The following RGS8 variants were observed in gnomAD, a reference collection of about 807,000 sequenced individuals.
RGS8 encodes the protein regulator of G-protein signaling 8.
In RGS8, 8 loss-of-function variants were observed where a neutral mutation model predicts 21.7. That is an observed-to-expected ratio of 0.37 (90% CI 0.22 to 0.66). The LOEUF is 0.66. RGS8 is among the 30% of genes least tolerant of loss of function. The pLI is 0.59. For missense variants in RGS8, 157 were observed against 217.9 expected (o/e 0.72, Z 1.76); for synonymous variants, 80 against 83.6 (o/e 0.96, Z 0.24).
At chr1:182,704,792 G>A in the RGS8 span, among the ~76,000 whole-genome samples, 3 of 152,184 alleles carry the variant, frequency 2.0e-5, no homozygotes, top group Non-Finnish European at 4.4e-5. Context: ...CCTTATGCTA[G>A]GGATGAGTGA....
chr1:182,662,794 T>C (rs188253834), intron 5 of RGS8, among the ~76,000 whole-genome samples: 260 of 152,342 alleles, frequency 1.7e-3, no homozygotes, highest in African/African-American at 5.8e-3. Context: ...CCACCAGAGA[T>C]GGACTGTGCC....
chr1:182,661,704 C>G (rs1663595417), intron 5 of RGS8, among the ~76,000 whole-genome samples: 1 of 152,012 alleles, frequency 6.6e-6, no homozygotes, highest in Admixed American at 6.6e-5. Flanking sequence ...TGATTTTATG[C>G]CTGTTTCCCA....
At chr1:182,741,402 CG>C in the RGS8 span, among the ~76,000 whole-genome samples, 1 of 114,354 alleles carries the variant, frequency 8.7e-6, no homozygotes, top group East Asian at 3.0e-4. Flanking sequence ...GCTGGCCGGG[CG>C]GGGGGCTGAC....
chr1:182,709,366 T>A, the RGS8 span, among the ~76,000 whole-genome samples: 6 of 151,408 alleles, frequency 4.0e-5, no homozygotes, highest in East Asian at 1.9e-4. Flanking sequence ...GCTCTCTCTC[T>A]CACACACACA....
chr1:182,748,204 A>T, the RGS8 span, among the ~76,000 whole-genome samples: 2 of 152,192 alleles, frequency 1.3e-5, no homozygotes, highest in Non-Finnish European at 2.9e-5. Flanking sequence ...GATCTCTTGA[A>T]ATTTATTCCT....
Position 182,654,681 on chromosome 1 carries a change from C to T in RGS8, c.194-6378G>A, listed in dbSNP as rs774510312. Among the ~76,000 whole-genome samples the T allele has an allele frequency of 8.2e-4, 125 of 151,976 alleles. 1 individual carries two copies. In the Middle Eastern group the frequency reaches 0.031, roughly 37 times the overall value. Reference sequence around the variant, plus strand: ...TAAGAGTGGGAAGGGTTTGGAACAGCGACCTTGGAAAAGTAAATAAGAATG... The same window carrying T: ...TAAGAGTGGGAAGGGTTTGGAACAGTGACCTTGGAAAAGTAAATAAGAATG... On this transcript the variant is annotated intron_variant, in intron 5 of 6. Coordinates refer to ENST00000483095, the Ensembl canonical transcript of RGS8.
chr1:182,720,915 A>G, the RGS8 span, among the ~76,000 whole-genome samples: 12,002 of 70,564 alleles, frequency 0.17, 915 homozygotes, highest in African/African-American at 0.22. Flanking sequence ...ATGTGTGTGT[A>G]TATACATATA....
Position 182,656,938 on chromosome 1 carries a change from T to C in RGS8, c.194-8635A>G, listed in dbSNP as rs984020739. Among the ~76,000 whole-genome samples, 4 of 152,288 alleles carry C rather than the reference T, an allele frequency of 2.6e-5. No individual in the cohort carries two copies. In the South Asian group the frequency reaches 8.3e-4, roughly 32 times the overall value. On this transcript the variant is annotated intron_variant, in intron 5 of 6. Coordinates refer to ENST00000483095, the Ensembl canonical transcript of RGS8. The stretch of plus-strand genomic sequence containing the variant: ...AGCCCCAATCTCCCCCAACTCTTTT[T>C]ATATTCCCAGAGCCTGCACTGAACA...
chr1:182,645,623 A>G (rs1206028822), downstream of RGS8: 1 of 152,238 alleles, frequency 6.6e-6, no homozygotes, highest in Non-Finnish European at 1.5e-5. Context: ...ATCAAGAAAG[A>G]AGGTGCTTCA....
chr1:182,695,309 G>A, the RGS8 span, among the ~76,000 whole-genome samples: 24 of 152,204 alleles, frequency 1.6e-4, no homozygotes, highest in African/African-American at 5.5e-4. Flanking sequence ...CAAGTTTTCG[G>A]TGCCACAAAA....
the RGS8 span, among the ~76,000 whole-genome samples, chr1:182,751,608 A>G: frequency 7.0e-6 from 1 of 142,020 alleles, no homozygotes; most frequent in Non-Finnish European, 1.6e-5. Flanking sequence ...ACATACATTT[A>G]ATATTTTTTT....
At chr1:182,662,251 C>T (rs1362736549) in intron 5 of RGS8, among the ~76,000 whole-genome samples, 2 of 152,086 alleles carry the variant, frequency 1.3e-5, no homozygotes, top group African/African-American at 4.8e-5. Context: ...CACCATAGTC[C>T]CTCTTCTGGT....
the RGS8 span, among the ~76,000 whole-genome samples, chr1:182,696,674 C>T: frequency 2.6e-5 from 4 of 152,200 alleles, no homozygotes; most frequent in African/African-American, 9.7e-5. Flanking sequence ...AACCTTGGAT[C>T]TGGTGCCCTG....
the RGS8 span, among the ~76,000 whole-genome samples, chr1:182,742,087 C>T: frequency 4.1e-5 from 6 of 148,110 alleles, no homozygotes; most frequent in Non-Finnish European, 6.0e-5. Flanking sequence ...GAGGTGCTCC[C>T]CACATCCCAG....
intron 3 of RGS8, among the ~76,000 whole-genome samples, chr1:182,667,397 C>A (rs1663926282): frequency 6.6e-6 from 1 of 152,198 alleles, no homozygotes; most frequent in Non-Finnish European, 1.5e-5. Flanking sequence ...ACACCAGGAG[C>A]AGAGGGATGT....
chr1:182,647,327 T>C (rs1662750328), intron 6 of RGS8, among the ~76,000 whole-genome samples: 1 of 152,216 alleles, frequency 6.6e-6, no homozygotes. Flanking sequence ...CTTTCTTGTC[T>C]ACTAAGGAAA....
chr1:182,646,655 A>G, exon 7 of RGS8: 3 of 1,365,596 alleles, frequency 2.2e-6, no homozygotes, highest in East Asian at 2.3e-5. Context: ...TTGAACACCT[A>G]TGACATTTCA....
At chr1:182,684,679 C>T (rs1447622769), upstream of RGS8, 2 of 152,236 alleles carry the variant, frequency 1.3e-5, no homozygotes, top group African/African-American at 2.4e-5. This position sits in a 1 kb window ranked among gnomAD's most constrained non-coding sequence, Gnocchi z 4.2. Context: ...GGGGGAGGAC[C>T]GCAGGCTCCA....
At chr1:182,718,230 C>G in the RGS8 span, among the ~76,000 whole-genome samples, 1 of 152,138 alleles carries the variant, frequency 6.6e-6, no homozygotes, top group Non-Finnish European at 1.5e-5. Context: ...TTGAGGCAAG[C>G]CAGGCTCTGT....
Sources: gnomAD v4.1 joint callset for allele counts (sites outside exome capture counted in the v4.1 genomes callset) on GRCh38, gnomAD v4.1.1 for gene constraint, Gnocchi (gnomAD v3.1) non-coding constraint, MANE v1.5 for transcripts, NCBI Gene and HGNC (gene_info 2026-07-23, HGNC 2026-07-21) for gene names.